The following RP1 variants were observed in gnomAD, a reference collection of about 807,000 sequenced individuals.
RP1 encodes the protein oxygen-regulated protein 1.
Under a neutral mutation model 14.8 loss-of-function variants are expected in RP1, and 16 were observed. That is an observed-to-expected ratio of 1.08 (90% CI 0.73 to 1.65). The LOEUF (loss-of-function observed/expected upper bound fraction) is 1.65, where lower values mean the gene tolerates loss of function less well. Among genes scored for constraint, RP1 ranks in the 40% most tolerant of loss-of-function variants. RP1 has a pLI of 0.00. For synonymous variants in RP1, 876 were observed against 883.6 expected, an observed-to-expected ratio of 0.99 and a Z score of 0.15; for missense variants, 2,631 against 2,535.0, an observed-to-expected ratio of 1.04 and a Z score of -0.81.
At chr8:54,669,402 A>G (rs1807093163) in intron 7 of RP1, among the ~76,000 whole-genome samples, 3 of 152,202 alleles carry the variant, frequency 2.0e-5, no homozygotes. Flanking sequence ...GATGTGGAGA[A>G]ATAGGAACAC....
intron 1 of RP1, chr8:54,560,356 A>G (rs1218325069): frequency 1.3e-5 from 2 of 152,190 alleles, no homozygotes; most frequent in African/African-American, 4.8e-5. Flanking sequence ...TGCTGTGCAG[A>G]CATTCACACG....
intron 7 of RP1, among the ~76,000 whole-genome samples, chr8:54,670,286 G>T (rs1287855408): frequency 6.6e-6 from 1 of 151,496 alleles, no homozygotes; most frequent in Non-Finnish European, 1.5e-5. Flanking sequence ...TACGGTGTTG[G>T]TCATGTCCAC....
At chr8:54,830,287 T>C (rs903418380) in intron 24 of RP1, among the ~76,000 whole-genome samples, 6 of 138,138 alleles carry the variant, frequency 4.3e-5, no homozygotes, top group African/African-American at 9.2e-5. Flanking sequence ...TCTGTATTTC[T>C]TTTTTTTTTT....
intron 1 of RP1, among the ~76,000 whole-genome samples, chr8:54,609,422 C>T (rs1285467292): frequency 6.6e-6 from 1 of 152,090 alleles, no homozygotes; most frequent in African/African-American, 2.4e-5. Context: ...TCTCTGTACT[C>T]CAGCCTGTGT....
intron 1 of RP1, among the ~76,000 whole-genome samples, chr8:54,601,091 G>A (rs538355388): frequency 3.9e-5 from 6 of 152,214 alleles, no homozygotes; most frequent in African/African-American, 1.2e-4. Context: ...TGACCATTTC[G>A]TTTTGCCATT....
At chr8:54,581,322 G>A (rs1412451624) in intron 1 of RP1, among the ~76,000 whole-genome samples, 2 of 152,090 alleles carry the variant, frequency 1.3e-5, no homozygotes, top group South Asian at 2.1e-4. Context: ...ATGTCCCTAC[G>A]AAGGACATGA....
At chr8:54,855,691 T>A (rs1812177861) in intron 26 of RP1, among the ~76,000 whole-genome samples, 1 of 152,144 alleles carries the variant, frequency 6.6e-6, no homozygotes, top group African/African-American at 2.4e-5. Context: ...GACACTTGAA[T>A]GTGTGCTCTA....
At chr8:54,687,127 T>C (rs1039485261) in intron 12 of RP1, among the ~76,000 whole-genome samples, 4 of 152,130 alleles carry the variant, frequency 2.6e-5, no homozygotes, top group African/African-American at 7.2e-5. Context: ...TATTACTCAA[T>C]TCCTAGAAAG....
intron 1 of RP1, among the ~76,000 whole-genome samples, chr8:54,607,332 A>G (rs1313746962): frequency 6.6e-6 from 1 of 152,186 alleles, no homozygotes. Context: ...TTGCCTGGGT[A>G]TCCGCAGCAG....
downstream of RP1, among the ~76,000 whole-genome samples, chr8:54,633,321 C>T (rs1806284646): frequency 6.6e-6 from 1 of 152,120 alleles, no homozygotes; most frequent in Non-Finnish European, 1.5e-5. Flanking sequence ...TGGGACCCAA[C>T]AAAATTCCCT....
At chr8:54,637,171 A>G (rs1445318803) in intron 3 of RP1, among the ~76,000 whole-genome samples, 1 of 152,216 alleles carries the variant, frequency 6.6e-6, no homozygotes, top group Non-Finnish European at 1.5e-5. Context: ...CATCTGGATC[A>G]ACAGATAGAG....
At chr8:54,786,499 T>C (rs1245917659) in intron 24 of RP1, among the ~76,000 whole-genome samples, 1 of 152,032 alleles carries the variant, frequency 6.6e-6, no homozygotes, top group African/African-American at 2.4e-5. Context: ...TTGCCAGTTT[T>C]CAAGACTATT....
At chr8:54,799,797 T>C (rs1303623971) in intron 24 of RP1, among the ~76,000 whole-genome samples, 7 of 152,082 alleles carry the variant, frequency 4.6e-5, no homozygotes, top group Non-Finnish European at 7.4e-5. Flanking sequence ...TCTTATAGCA[T>C]TGTTGTCATA....
intron 1 of RP1, among the ~76,000 whole-genome samples, chr8:54,609,920 G>A (rs954516783): frequency 1.3e-5 from 2 of 152,138 alleles, no homozygotes; most frequent in Admixed American, 6.5e-5. Flanking sequence ...CCTTTTGACT[G>A]GTTCATTCCT....
At chr8:54,797,115 C>T (rs1810595611) in intron 24 of RP1, among the ~76,000 whole-genome samples, 1 of 152,030 alleles carries the variant, frequency 6.6e-6, no homozygotes, top group Admixed American at 6.5e-5. Context: ...TCCATTTTTG[C>T]ATGAGAAGAA....
At chr8:54,601,846 C>A (rs1442269733) in intron 1 of RP1, among the ~76,000 whole-genome samples, 1 of 152,154 alleles carries the variant, frequency 6.6e-6, no homozygotes, top group South Asian at 2.1e-4. Flanking sequence ...TCACATATGG[C>A]ATGACTCCAT....
At chr8:54,820,853 C>T (rs1384542501) in intron 24 of RP1, among the ~76,000 whole-genome samples, 6 of 152,020 alleles carry the variant, frequency 3.9e-5, no homozygotes, top group African/African-American at 9.7e-5. Context: ...CACCTCCTTC[C>T]CAGAACACAC....
chr8:54,734,157 C>T (rs989714173), intron 17 of RP1, among the ~76,000 whole-genome samples: 1 of 151,972 alleles, frequency 6.6e-6, no homozygotes, highest in Non-Finnish European at 1.5e-5. Flanking sequence ...TGTTTTAATT[C>T]CCCTTTTTTG....
Position 54,629,503 on chromosome 8 carries a change from C to T in RP1, c.5621C>T (p.Ala1874Val). Residue 1874 changes from alanine to valine, a missense_variant, in exon 4 of 4, where the codon GCT (alanine) becomes GTT (valine). Transcript: ENST00000220676. ...CTSVTHSFISAGNKVYPVSDD... is the reference protein window; with the variant it reads ...CTSVTHSFISVGNKVYPVSDD... ...TCTGTCACTCATTCCTTTATTTCTGCTGGTAACAAAGTCTACCCTGTCTCT... is the reference window on the plus strand; with the variant it reads ...TCTGTCACTCATTCCTTTATTTCTGTTGGTAACAAAGTCTACCCTGTCTCT... 1 of 1,614,080 alleles carries T rather than the reference C, an allele frequency of 6.2e-7. No individual in the cohort carries two copies. The highest frequency in any genetic ancestry group is 8.5e-7 in the Non-Finnish European group (1 of 1,179,986).
Sources: gnomAD v4.1 joint callset for allele counts (sites outside exome capture counted in the v4.1 genomes callset) on GRCh38, gnomAD v4.1.1 for gene constraint, MANE v1.5 for transcripts, NCBI Gene and HGNC (gene_info 2026-07-23, HGNC 2026-07-21) for gene names.